The following RALYL variants were observed in gnomAD, a reference collection of about 807,000 sequenced individuals.
The protein encoded by RALYL is RNA-binding Raly-like protein.
A neutral mutation model predicts 35.1 loss-of-function variants in RALYL; 29 were observed. That is an observed-to-expected ratio of 0.83 (90% CI 0.61 to 1.13). The LOEUF (loss-of-function observed/expected upper bound fraction) is 1.13. Among genes scored for constraint, RALYL ranks in the 50% most tolerant of loss-of-function variants. RALYL has a pLI of 0.00. For missense variants in RALYL, 359 were observed against 360.4 expected (o/e 1.00, Z 0.03); for synonymous variants, 120 against 127.6 (o/e 0.94, Z 0.40).
intron 1 of RALYL, among the ~76,000 whole-genome samples, chr8:84,467,498 G>T (rs1424707730): frequency 6.6e-6 from 1 of 151,650 alleles, no homozygotes; most frequent in Non-Finnish European, 1.5e-5. Context: ...TTGCACTGTG[G>T]TCTGAGAGAT....
intron 1 of RALYL, among the ~76,000 whole-genome samples, chr8:84,305,909 G>A (rs1353132772): frequency 6.6e-6 from 1 of 152,130 alleles, no homozygotes; most frequent in African/African-American, 2.4e-5. Flanking sequence ...AGTGTCCTAA[G>A]AGGCAGAGAG....
chr8:84,760,388 G>C (rs2133356037), intron 2 of RALYL, among the ~76,000 whole-genome samples: 1 of 151,930 alleles, frequency 6.6e-6, no homozygotes, highest in Non-Finnish European at 1.5e-5. Context: ...AAAGAGCTGT[G>C]ATATTCTACC....
chr8:84,500,694 G>A (rs2056556180), intron 1 of RALYL, among the ~76,000 whole-genome samples: 1 of 152,026 alleles, frequency 6.6e-6, no homozygotes, highest in Non-Finnish European at 1.5e-5. Context: ...CATGAAAAAG[G>A]GACATTTTAC....
chr8:84,675,786 A>G (rs1484873698), intron 2 of RALYL, among the ~76,000 whole-genome samples: 2 of 152,086 alleles, frequency 1.3e-5, no homozygotes, highest in Non-Finnish European at 2.9e-5. Context: ...CTTCTCCACC[A>G]TGTATATTAT....
chr8:84,311,371 T>A (rs895591837), intron 1 of RALYL, among the ~76,000 whole-genome samples: 1 of 152,008 alleles, frequency 6.6e-6, no homozygotes, highest in African/African-American at 2.4e-5. Context: ...TGATGAATTG[T>A]CTGAAAAATA....
At chr8:84,393,628 G>A (rs779817949) in intron 1 of RALYL, among the ~76,000 whole-genome samples, 21 of 152,022 alleles carry the variant, frequency 1.4e-4, no homozygotes, top group Non-Finnish European at 2.6e-4. Flanking sequence ...TACTATCCAG[G>A]ATTAATACAT....
chr8:84,683,082 C>T (rs928037749), intron 2 of RALYL, among the ~76,000 whole-genome samples: 2 of 152,150 alleles, frequency 1.3e-5, no homozygotes, highest in Non-Finnish European at 2.9e-5. Context: ...TTTATCTCTG[C>T]CTTCATTTTG....
chr8:84,526,161 G>T (rs1305321830), intron 1 of RALYL, among the ~76,000 whole-genome samples: 1 of 151,678 alleles, frequency 6.6e-6, no homozygotes. Flanking sequence ...CACCATGTTG[G>T]CCAGGCTAGT....
chr8:84,440,260 T>C (rs2048191652), intron 1 of RALYL, among the ~76,000 whole-genome samples: 1 of 152,106 alleles, frequency 6.6e-6, no homozygotes, highest in Admixed American at 6.6e-5. Flanking sequence ...ACTAAAAAGA[T>C]GTAATTGATA....
At chr8:84,507,774 C>G (rs1220329689) in intron 1 of RALYL, among the ~76,000 whole-genome samples, 4 of 152,152 alleles carry the variant, frequency 2.6e-5, no homozygotes, top group Non-Finnish European at 5.9e-5. Flanking sequence ...TCAATAATTA[C>G]AAGCAGTTTA....
At chr8:84,280,819 A>G (rs1468796009) in intron 1 of RALYL, among the ~76,000 whole-genome samples, 2 of 151,682 alleles carry the variant, frequency 1.3e-5, no homozygotes, top group Non-Finnish European at 1.5e-5. Context: ...AACTCTTCCC[A>G]CCCATTAATG....
chr8:84,495,347 G>C (rs750246696), intron 1 of RALYL, among the ~76,000 whole-genome samples: 1 of 152,102 alleles, frequency 6.6e-6, no homozygotes, highest in Admixed American at 6.6e-5. Context: ...AACTAAAACA[G>C]TGTCAGAGGG....
At chr8:84,717,135 C>G (rs1215573255) in intron 2 of RALYL, among the ~76,000 whole-genome samples, 1 of 152,044 alleles carries the variant, frequency 6.6e-6, no homozygotes, top group Non-Finnish European at 1.5e-5. Context: ...TGCAGTGAGC[C>G]GAGATCACGC....
intron 2 of RALYL, among the ~76,000 whole-genome samples, chr8:84,589,257 G>A (rs1354500714): frequency 1.3e-5 from 2 of 152,138 alleles, no homozygotes; most frequent in Non-Finnish European, 2.9e-5. Context: ...TGTCTTCCAA[G>A]GATCTGAAAG....
intron 2 of RALYL, among the ~76,000 whole-genome samples, chr8:84,602,078 C>G (rs1816100045): frequency 6.6e-6 from 1 of 152,066 alleles, no homozygotes. Context: ...CATCCTTCTC[C>G]TTGTTGTTAA....
chr8:84,544,800 A>G (rs1327739631), intron 2 of RALYL, among the ~76,000 whole-genome samples: 2 of 152,058 alleles, frequency 1.3e-5, no homozygotes, highest in Non-Finnish European at 2.9e-5. Context: ...TATATTCCAT[A>G]TATCCATATA....
Position 84,644,733 on chromosome 8 carries a change from T to C in RALYL, c.256+115156T>C, listed in dbSNP as rs571261829. The stretch of plus-strand genomic sequence containing the variant: ...GAATCATTGTGTTCCAAGTTTGTCT[T>C]TTTTTTTTCTTTTTTTCTTCTTCTT... On this transcript the variant is annotated intron_variant, in intron 2 of 8. Transcript: ENST00000521268. Among the ~76,000 whole-genome samples, 99 of 147,642 alleles carry C rather than the reference T, an allele frequency of 6.7e-4. 2 individuals are homozygous for C. The highest frequency in any genetic ancestry group is 6.5e-3 in the South Asian group (31 of 4,770).
intron 4 of RALYL, 135 bp downstream of exon 4, chr8:84,804,937 T>A (rs1824234907): frequency 2.5e-6 from 1 of 406,972 alleles, no homozygotes; most frequent in Non-Finnish European, 3.8e-6. Flanking sequence ...TTGCTATCTA[T>A]GTTTTATAAA....
At chr8:84,885,472 ATACTT>A in intron 7 of RALYL, among the ~76,000 whole-genome samples, 1 of 152,260 alleles carries the variant, frequency 6.6e-6, no homozygotes, top group Non-Finnish European at 1.5e-5. Flanking sequence ...TTTATGTACT[ATACTT>A]CCTTCCATCA....
Sources: allele counts gnomAD v4.1 joint callset (sites outside exome capture counted in the v4.1 genomes callset), GRCh38; gene constraint gnomAD v4.1.1; transcripts MANE v1.5; gene names NCBI Gene and HGNC (gene_info 2026-07-23, HGNC 2026-07-21).